The following STRIP2 variants were observed in gnomAD, a reference collection of about 807,000 sequenced individuals.
STRIP2 encodes the protein striatin interacting protein 2.
A neutral mutation model predicts 107.1 loss-of-function variants in STRIP2; 84 were observed. The ratio of observed to expected loss-of-function variants is 0.78; its 90% CI spans 0.66 to 0.94. STRIP2 has a LOEUF of 0.94. STRIP2 is among the 40% of genes least tolerant of loss of function. The probability of loss-of-function intolerance (pLI) is 0.00; values close to 1 mark genes in which losing one functional copy is unlikely to be tolerated. For missense variants in STRIP2, 888 were observed against 1,034.2 expected (o/e 0.86, Z 1.94); for synonymous variants, 394 against 400.4 (o/e 0.98, Z 0.19).
In STRIP2 at chr7:129,486,630, T is replaced by C. The variant is rs1040669710; in HGVS notation, c.*801T>C. On this transcript the variant is annotated 3_prime_UTR_variant, in exon 21 of 21. Coordinates refer to ENST00000249344, the MANE Select transcript of STRIP2 (RefSeq NM_020704.3). ...CTGAGCATACTGCAGAAAATTATCC[T>C]TTTCATCTAATTCATTTTTTAAATG... 6.6e-6 allele frequency: 1 copy of C among 152,210 alleles called. No individual in the cohort carries two copies. The highest frequency in any genetic ancestry group is 6.5e-5 in the Admixed American group (1 of 15,274). The allele number at this position is 152,210 out of a possible 1,614,324, so 9.4% of individuals were successfully genotyped here.
intron 18 of STRIP2, among the ~76,000 whole-genome samples, chr7:129,476,918 A>G (rs1798971039): frequency 6.6e-6 from 1 of 151,672 alleles, no homozygotes; most frequent in Non-Finnish European, 1.5e-5. Context: ...TCCGTCTGCA[A>G]TCCCGGCACC....
At chr7:129,478,016 A>T in intron 18 of STRIP2, 1 of 449,848 alleles carries the variant, frequency 2.2e-6, no homozygotes. Context: ...GTGTGTGGAG[A>T]TGGCAACCAG....
chr7:129,445,638 G>C (rs1562896240), intron 3 of STRIP2, among the ~76,000 whole-genome samples: 6 of 152,152 alleles, frequency 3.9e-5, no homozygotes, highest in Admixed American at 3.3e-4. Flanking sequence ...GCCCTGCAAA[G>C]TATTGTCACC....
At chr7:129,437,564 A>C (rs1173400471) in intron 1 of STRIP2, among the ~76,000 whole-genome samples, 2 of 152,218 alleles carry the variant, frequency 1.3e-5, no homozygotes, top group East Asian at 3.9e-4. Context: ...GTAATGTAAA[A>C]GGTATCATTT....
At chr7:129,439,513 T>G (rs570531117) in intron 1 of STRIP2, among the ~76,000 whole-genome samples, 1 of 152,194 alleles carries the variant, frequency 6.6e-6, no homozygotes, top group East Asian at 1.9e-4. Context: ...CAACTTGGAG[T>G]GGAGATGTTG....
Position 129,434,583 on chromosome 7 carries a change from C to A in STRIP2, c.111C>A (p.Ser37Arg). ...CCAAGGGCCGCGAAGCGTTCCGAAG[C>A]CAGCGGCGGGAGTCAGAGGTGAGGA... ...AAPKGREAFR[S>R]QRRESEGSVD... Residue 37 changes from serine to arginine, a missense_variant, in exon 1 of 21, where the codon AGC (serine) becomes AGA (arginine). Coordinates refer to ENST00000249344, the MANE Select transcript of STRIP2 (RefSeq NM_020704.3). The A allele has an allele frequency of 6.6e-7, 1 of 1,513,686 alleles. No homozygotes were observed. Among genetic ancestry groups the A allele is most frequent in the South Asian group, 1.2e-5 (1 of 81,936 alleles). The allele number at this position is 1,513,686 out of a possible 1,614,324, so 93.8% of individuals were successfully genotyped here. A position where few individuals can be genotyped will look rare whatever the true frequency, so the allele number is the denominator to read the frequency against.
intron 14 of STRIP2, among the ~76,000 whole-genome samples, chr7:129,463,836 C>G (rs1798604839): frequency 6.6e-6 from 1 of 152,226 alleles, no homozygotes; most frequent in Admixed American, 6.5e-5. Flanking sequence ...AATGCACTCC[C>G]TCTGGCTTTC....
In STRIP2 at chr7:129,458,037, C is replaced by T. The variant is rs1798412589; in HGVS notation, c.1039-178C>T. On this transcript the variant is annotated intron_variant, in intron 9 of 20. Transcript: ENST00000249344. This position sits in a 1 kb window ranked among gnomAD's most constrained non-coding sequence, Gnocchi z 4.6. ...CAGGGTTACCTGAGAACTTCTTGTC[C>T]TGTTATTGGGCCGGGTGGGGACAGT... 1.5e-6 allele frequency: 1 copy of T among 658,864 alleles called. No homozygotes were observed. Among genetic ancestry groups the T allele is most frequent in the Non-Finnish European group, 2.8e-6 (1 of 360,450 alleles). 40.8% of individuals were successfully genotyped at this position (658,864 alleles called of 1,614,324 possible). A position where few individuals can be genotyped will look rare whatever the true frequency, so the allele number is the denominator to read the frequency against.
In STRIP2 at chr7:129,488,244, C is replaced by G. The variant is rs557554846; in HGVS notation, c.*2415C>G. ...GGAATAAATTCAAATTCACCAGTCT[C>G]CAATGGTGATTACTTTTACTACATA... On this transcript the variant is annotated 3_prime_UTR_variant, in exon 21 of 21. Transcript: ENST00000249344. 2 of 152,676 alleles carry G rather than the reference C, an allele frequency of 1.3e-5. No individual in the cohort carries two copies. The highest frequency in any genetic ancestry group is 2.4e-5 in the African/African-American group (1 of 41,542). 9.5% of individuals were successfully genotyped at this position (152,676 alleles called of 1,614,324 possible).
In STRIP2 at chr7:129,460,324, T is replaced by G. The variant is rs188519784; in HGVS notation, c.1428T>G (p.Asp476Glu). ...LKQHKYISIA[D>E]VQIKNEEELE... The stretch of plus-strand genomic sequence containing the variant: ...AGCACAAGTATATCTCCATCGCAGA[T>G]GTGCAGATCAAGAATGAAGAGGAGC... Residue 476 changes from aspartate to glutamate, a missense_variant, in exon 13 of 21, where the codon GAT (aspartate) becomes GAG (glutamate). By Grantham distance (45) the Asp-to-Glu change is conservative. Coordinates refer to ENST00000249344, the MANE Select transcript of STRIP2 (RefSeq NM_020704.3). 6.2e-6 allele frequency: 10 copies of G among 1,614,062 alleles called. No homozygotes were observed.
intron 3 of STRIP2, among the ~76,000 whole-genome samples, chr7:129,446,683 A>C (rs1295812498): frequency 2.0e-5 from 3 of 152,170 alleles, no homozygotes; most frequent in Non-Finnish European, 4.4e-5. Flanking sequence ...CCATGAGGCC[A>C]TCAGTGCAGG....
At position 129,434,528 on chromosome 7, in the gene STRIP2, A is replaced by G; in HGVS notation, c.56A>G (p.Asn19Ser). 1.2e-5 allele frequency: 18 copies of G among 1,518,442 alleles called. No individual in the cohort carries two copies. Among genetic ancestry groups the G allele is most frequent in the Non-Finnish European group, 1.6e-5 (18 of 1,140,564 alleles). The allele number at this position is 1,518,442 out of a possible 1,614,324, so 94.1% of individuals were successfully genotyped here. ...GGCCCGCCCGCAAATGGCAATGGCA[A>G]CGGCGGCGGCAAAGGGAAGCAGGCG... is the stretch of plus-strand genomic sequence containing the variant. The part of the protein sequence containing the change: ...TGGPPANGNG[N>S]GGGKGKQAAP... The change falls in exon 1 of 21, where the codon AAC (asparagine) becomes AGC (serine). Residue 19 changes from asparagine (N) to serine (S), a missense_variant. By Grantham distance (46) the Asn-to-Ser change is conservative (BLOSUM62 1). Coordinates refer to ENST00000249344, the MANE Select transcript of STRIP2 (RefSeq NM_020704.3).
At chr7:129,477,636 CTT>C (rs1489689477) in intron 18 of STRIP2, among the ~76,000 whole-genome samples, 1 of 152,184 alleles carries the variant, frequency 6.6e-6, no homozygotes, top group Admixed American at 6.5e-5. Context: ...CCATTACTCT[CTT>C]TTAAGCTATC....
chr7:129,436,269 TAAATA>T (rs1797736077), intron 1 of STRIP2, among the ~76,000 whole-genome samples: 1 of 152,150 alleles, frequency 6.6e-6, no homozygotes, highest in Non-Finnish European at 1.5e-5. Context: ...TGTGAGTAAA[TAAATA>T]AAATAATTTC....
intron 18 of STRIP2, among the ~76,000 whole-genome samples, chr7:129,476,405 T>G (rs1341478472): frequency 7.1e-6 from 1 of 141,300 alleles, no homozygotes; most frequent in Non-Finnish European, 1.5e-5. Context: ...GCGGAGGGGC[T>G]CCTCACTTCT....
At position 129,455,326 on chromosome 7, in the gene STRIP2, C is replaced by A; in HGVS notation, c.789C>A (p.His263Gln). ...AGTTCTGCAGTGGCCTGGCTCCTCA[C>A]TTCCCCATAAAGAAGGTCCTGCTCC... The part of the protein sequence containing the change: ...VTKFCSGLAP[H>Q]FPIKKVLLLL... Residue 263 changes from histidine to glutamine, a missense_variant, in exon 8 of 21, where the codon CAC becomes CAA. Physicochemically the swap from His to Gln is conservative, Grantham distance 24. Coordinates refer to ENST00000249344, the MANE Select transcript of STRIP2 (RefSeq NM_020704.3). 6.2e-7 allele frequency: 1 copy of A among 1,613,994 alleles called. No homozygotes were observed. The highest frequency in any genetic ancestry group is 1.1e-5 in the South Asian group (1 of 91,044).
At position 129,485,670 on chromosome 7, in the gene STRIP2, C is replaced by A; in HGVS notation, c.2346C>A (p.Pro782=). The A allele has an allele frequency of 1.2e-6, 2 of 1,614,040 alleles. No homozygotes were observed. The highest frequency in any genetic ancestry group is 1.1e-5 in the South Asian group (1 of 91,080). ...TTAACAGCCGTCGCTATGACAGACCCCAGGACTCTGAGTTTTCACCTGTGG... is the reference window on the plus strand; with the variant it reads ...TTAACAGCCGTCGCTATGACAGACCACAGGACTCTGAGTTTTCACCTGTGG... The part of the protein sequence containing the change: ...EAFNSRRYDR[P]QDSEFSPVDN... The change falls in exon 21 of 21, where the codon CCC becomes CCA. Residue 782 remains proline (P), a synonymous_variant. Transcript: ENST00000249344.
intron 18 of STRIP2, among the ~76,000 whole-genome samples, chr7:129,473,864 C>T (rs777546513): frequency 5.3e-5 from 8 of 152,008 alleles, no homozygotes; most frequent in Non-Finnish European, 1.2e-4. Flanking sequence ...ATTACAGGCA[C>T]ATGCCACCAC....
chr7:129,464,036 C>T lies in STRIP2; in HGVS notation c.1552-8C>T, dbSNP rs1798609390. ...CAGTGGTAAATTTCTTTATTTTCTA[C>T]TTCTCAGATCGCTCTGCTTAAGATT... On this transcript the variant is annotated splice_region_variant and splice_polypyrimidine_tract_variant and intron_variant, in intron 14 of 20. Coordinates refer to ENST00000249344, the MANE Select transcript of STRIP2 (RefSeq NM_020704.3). 1 of 1,611,454 alleles carries T rather than the reference C, an allele frequency of 6.2e-7. No homozygotes were observed. Among genetic ancestry groups the T allele is most frequent in the African/African-American group, 1.3e-5 (1 of 74,854 alleles).
Sources: allele counts gnomAD v4.1 joint callset (sites outside exome capture counted in the v4.1 genomes callset), GRCh38; gene constraint gnomAD v4.1.1; non-coding constraint Gnocchi (gnomAD v3.1); transcripts MANE v1.5; gene names NCBI Gene and HGNC (gene_info 2026-07-23, HGNC 2026-07-21).